TTN: variants seen among roughly 807,000 people sequenced by gnomAD.
TTN encodes connectin.
Under a neutral mutation model 3,223.0 loss-of-function variants are expected in TTN, and 1,525 were observed. That is an observed-to-expected ratio of 0.47 (90% CI 0.45 to 0.49). TTN has a LOEUF of 0.49. Among genes scored for constraint, TTN ranks in the 20% least tolerant of loss-of-function variants. The pLI is 0.00. For missense variants in TTN, 40,786 were observed against 43,424.0 expected, an observed-to-expected ratio of 0.94 and a Z score of 5.40; for synonymous variants, 14,094 against 15,161.0, an observed-to-expected ratio of 0.93 and a Z score of 5.17.
At chr2:178,726,320 A>G (rs1274193478) in intron 69 of TTN, 2 of 288,998 alleles carry the variant, frequency 6.9e-6, no homozygotes, top group Non-Finnish European at 1.3e-5. Flanking sequence ...CTTAGGCTAC[A>G]AAGATTGATA....
chr2:178,789,889 G>A, intron 12 of TTN, 89 bp downstream of exon 12: 2 of 1,556,840 alleles, frequency 1.3e-6, no homozygotes, highest in Non-Finnish European at 1.8e-6. Flanking sequence ...GGCAAATACA[G>A]ATTAATAATT....
At chr2:178,732,802 A>G in intron 55 of TTN, 32 bp downstream of exon 55, 2 of 1,580,286 alleles carry the variant, frequency 1.3e-6, no homozygotes, top group South Asian at 2.3e-5. Flanking sequence ...CATAATCTTT[A>G]ATAAGGATAA....
In TTN at chr2:178,689,606, C is replaced by A; in HGVS notation, c.31847-11G>T. 6.3e-7 allele frequency: 1 copy of A among 1,586,298 alleles called. No individual in the cohort carries two copies. The highest frequency in any genetic ancestry group is 8.6e-7 in the Non-Finnish European group (1 of 1,169,356). On this transcript the variant is annotated splice_polypyrimidine_tract_variant and intron_variant, in intron 122 of 362. Coordinates refer to ENST00000589042, the MANE Select transcript of TTN (RefSeq NM_001267550.2). ...TCTGTACTTCAGGAACTTGAAGAGA[C>A]ATTTTTAGAATTGACTTTATATTTT...
chr2:178,681,539 A>T (rs1283794301), intron 136 of TTN, 89 bp from the exon 137 acceptor site: 2 of 1,460,860 alleles, frequency 1.4e-6, no homozygotes, highest in South Asian at 2.5e-5. Context: ...GACAAATACA[A>T]CATAATATTC....
Position 178,776,571 on chromosome 2 carries a change from C to G in TTN, c.5293G>C (p.Gly1765Arg). Residue 1765 changes from glycine to arginine, a missense_variant, in exon 28 of 363, where the codon GGC (glycine) becomes CGC (arginine). Transcript: ENST00000589042. Reference protein sequence around the residue: ...NEFGYCSLDYGVAYSRDSGII... With the variant: ...NEFGYCSLDYRVAYSRDSGII... Reference sequence around the variant, plus strand: ...CCACTGTCTCTAGAATATGCAACGCCATAATCAAGGCTGCAGTACCCAAAT... The same window carrying G: ...CCACTGTCTCTAGAATATGCAACGCGATAATCAAGGCTGCAGTACCCAAAT... The G allele has an allele frequency of 6.2e-7, 1 of 1,613,510 alleles. No individual in the cohort carries two copies. Among genetic ancestry groups the G allele is most frequent in the African/African-American group, 1.3e-5 (1 of 75,046 alleles).
intron 308 of TTN, 41 bp from the exon 309 acceptor site, chr2:178,585,388 A>G: frequency 6.5e-7 from 1 of 1,529,126 alleles, no homozygotes; most frequent in Non-Finnish European, 8.8e-7. Context: ...GGGAAGGTGG[A>G]TAAGTTTCTT....
intron 143 of TTN, 47 bp downstream of exon 143, chr2:178,678,700 T>A: frequency 6.5e-7 from 1 of 1,546,404 alleles, no homozygotes; most frequent in Non-Finnish European, 8.8e-7. Flanking sequence ...TTTTTACCCA[T>A]ATGCAAATGT....
At chr2:178,710,568 C>G in intron 98 of TTN, 67 bp downstream of exon 98, 1 of 1,494,294 alleles carries the variant, frequency 6.7e-7, no homozygotes. Flanking sequence ...ATCATAAAAA[C>G]GACACCTTCA....
chr2:178,747,767 A>G, intron 47 of TTN: 2 of 1,611,852 alleles, frequency 1.2e-6, no homozygotes, highest in Non-Finnish European at 1.7e-6. Flanking sequence ...AGTTTCTATC[A>G]TTTCTCCTTC....
At position 178,751,220 on chromosome 2, in the gene TTN, A is replaced by T. The variant is rs750369306; in HGVS notation, c.11311+1904T>A. The T allele has an allele frequency of 1.9e-6, 3 of 1,609,922 alleles. No individual in the cohort carries two copies. The South Asian group carries it at 3.3e-5, about 18-fold the overall frequency. On this transcript the variant is annotated intron_variant, in intron 47 of 362. Transcript: ENST00000589042. ...TTCACTTCTCAAAGTTCTTGAGCTTATTTCAGAAGACGTATCTAAAAGAGA... is the reference window on the plus strand; with the variant it reads ...TTCACTTCTCAAAGTTCTTGAGCTTTTTTCAGAAGACGTATCTAAAAGAGA...
At chr2:178,642,698 T>C (rs1390837082) in intron 218 of TTN, among the ~76,000 whole-genome samples, 4 of 151,964 alleles carry the variant, frequency 2.6e-5, no homozygotes, top group Non-Finnish European at 5.9e-5. Flanking sequence ...ACTAAATGTA[T>C]GAAAATGATA....
At position 178,620,319 on chromosome 2, in the gene TTN, G is replaced by A; in HGVS notation, c.46202C>T (p.Thr15401Ile). Residue 15401 changes from threonine to isoleucine, a missense_variant, in exon 248 of 363, where the codon ACA becomes ATA. Coordinates refer to ENST00000589042, the MANE Select transcript of TTN (RefSeq NM_001267550.2). ...GACAGCGTCATCGAACTCAGTGACT[G>A]TCTGATCTTCCAAGTGTTCCACAAA... ...TEFVEHLEDQ[T>I]VTEFDDAVFS... is the part of the protein sequence containing the mutation. 1 of 1,588,358 alleles carries A rather than the reference G, an allele frequency of 6.3e-7. No homozygotes were observed.
rs1689721131 is a variant in TTN at position 178,532,711 on chromosome 2, G to C, written c.103904C>G (p.Ala34635Gly). 1 of 1,613,822 alleles carries C rather than the reference G, an allele frequency of 6.2e-7. No homozygotes were observed. The highest frequency in any genetic ancestry group is 1.3e-5 in the African/African-American group (1 of 74,920). ...ATCAGGAGAAGGTGTACGCCGGCGG[G>C]CTGGTCTCACTATCTCAAGATCATC... ...SQDDLEIVRP[A>G]RRRTPSPDYD... Residue 34635 changes from alanine (A) to glycine (G), a missense_variant, in exon 358 of 363, where the codon GCC becomes GGC. Physicochemically the swap from Ala to Gly is moderately conservative, Grantham distance 60. Transcript: ENST00000589042.
chr2:178,542,207 T>C (rs528371157), intron 349 of TTN, 57 bp downstream of exon 349: 1 of 1,498,672 alleles, frequency 6.7e-7, no homozygotes, highest in African/African-American at 1.4e-5. Flanking sequence ...CAAATTCTTT[T>C]TTGTTAACAT....
intron 111 of TTN, 113 bp from the exon 112 acceptor site, chr2:178,699,027 T>C (rs2074268238): frequency 6.3e-6 from 7 of 1,106,692 alleles, no homozygotes; most frequent in African/African-American, 1.6e-5. Context: ...CATATGTTGA[T>C]AGTAGCGAGA....
Position 178,734,443 on chromosome 2 carries a change from C to T in TTN, c.15381G>A (p.Lys5127=). The T allele has an allele frequency of 1.2e-6, 2 of 1,613,764 alleles. No individual in the cohort carries two copies. Among genetic ancestry groups the T allele is most frequent in the South Asian group, 2.2e-5 (2 of 91,058 alleles). Residue 5127 remains lysine (K), a synonymous_variant, in exon 52 of 363, where the codon AAG becomes AAA. Coordinates refer to ENST00000589042, the MANE Select transcript of TTN (RefSeq NM_001267550.2). The stretch of plus-strand genomic sequence containing the variant: ...AAAAGATCTCCAGACACACAAGAGA[C>T]TTCTGAGAAAACAATCTGTATTTTT... The part of the protein sequence containing the change: ...SSKKYRLFSQ[K]SLVCLEIFSF...
At position 178,735,501 on chromosome 2, in the gene TTN, C is replaced by A; in HGVS notation, c.14935+10G>T. ...GAAGGGACTAGAAAATACATTCACA[C>A]GTTTCTTACCTCTGACAGTGACTGT... is the stretch of plus-strand genomic sequence containing the variant. On this transcript the variant is annotated intron_variant, in intron 50 of 362. Coordinates refer to ENST00000589042, the MANE Select transcript of TTN (RefSeq NM_001267550.2). The A allele has an allele frequency of 1.3e-6, 2 of 1,545,032 alleles. No individual in the cohort carries two copies. Among genetic ancestry groups the A allele is most frequent in the Non-Finnish European group, 8.7e-7 (1 of 1,151,972 alleles).
chr2:178,757,679 T>C lies in TTN; in HGVS notation c.10541A>G (p.His3514Arg). The change falls in exon 45 of 363, where the codon CAT becomes CGT. Residue 3514 changes from histidine (H) to arginine (R), a missense_variant. Coordinates refer to ENST00000589042, the MANE Select transcript of TTN (RefSeq NM_001267550.2). The stretch of plus-strand genomic sequence containing the variant: ...AGCCATGCCTGTGGACTCCTCAAAA[T>C]GGAAAACTACATCTTTTGTTGGTAG... Reference protein sequence around the residue: ...LILPTKDVVFHFEESTGMALM... With the variant: ...LILPTKDVVFRFEESTGMALM... 3 of 1,613,796 alleles carry C rather than the reference T, an allele frequency of 1.9e-6. No individual in the cohort carries two copies. Among genetic ancestry groups the C allele is most frequent in the South Asian group, 1.1e-5 (1 of 91,078 alleles).
At chr2:178,599,467 AC>A in intron 289 of TTN, 22 bp from the exon 290 acceptor site, 1 of 1,516,362 alleles carries the variant, frequency 6.6e-7, no homozygotes, top group Non-Finnish European at 8.8e-7. Context: ...TAAAGAAGGA[AC>A]CCTTTATCAC....
Sources: allele counts gnomAD v4.1 joint callset (sites outside exome capture counted in the v4.1 genomes callset), GRCh38; gene constraint gnomAD v4.1.1; transcripts MANE v1.5; gene names NCBI Gene and HGNC (gene_info 2026-07-23, HGNC 2026-07-21).